PTPRD: variants seen among roughly 807,000 people sequenced by gnomAD.
PTPRD encodes the protein receptor-type tyrosine-protein phosphatase delta.
In PTPRD, 34 loss-of-function variants were observed where a neutral mutation model predicts 214.5. The ratio of observed to expected loss-of-function variants is 0.16; its 90% CI spans 0.12 to 0.21. The LOEUF (loss-of-function observed/expected upper bound fraction) is 0.21. PTPRD is among the 10% of genes least tolerant of loss of function. The probability of loss-of-function intolerance (pLI) is 1.00; values close to 1 mark genes in which losing one functional copy is unlikely to be tolerated. For synonymous variants in PTPRD, 1,128 were observed against 845.7 expected (o/e 1.33, Z -5.79); for missense variants, 2,545 against 2,398.7 (o/e 1.06, Z -1.27).
At chr9:8,826,988 A>G (rs2097189063) in intron 11 of PTPRD, among the ~76,000 whole-genome samples, 1 of 151,774 alleles carries the variant, frequency 6.6e-6, no homozygotes, top group Non-Finnish European at 1.5e-5. Flanking sequence ...AAACTGGCAG[A>G]TTTCTTCTCA....
At chr9:10,268,005 G>C (rs1241766844) in intron 3 of PTPRD, among the ~76,000 whole-genome samples, 1 of 151,878 alleles carries the variant, frequency 6.6e-6, no homozygotes, top group African/African-American at 2.4e-5. Flanking sequence ...TAACAGCCAG[G>C]TGTGGTAGCT....
chr9:10,162,640 C>CAT (rs1182233137), intron 3 of PTPRD, among the ~76,000 whole-genome samples: 3 of 146,662 alleles, frequency 2.0e-5, no homozygotes, highest in African/African-American at 5.0e-5. Flanking sequence ...TGTATATAAA[C>CAT]ATATATATAC....
intron 11 of PTPRD, among the ~76,000 whole-genome samples, chr9:8,945,492 C>G (rs145677720): frequency 6.6e-6 from 1 of 151,962 alleles, no homozygotes; most frequent in Non-Finnish European, 1.5e-5. Flanking sequence ...CTATCTACTG[C>G]AATTCATCTT....
chr9:8,431,357 G>C (rs2095040918), intron 35 of PTPRD, among the ~76,000 whole-genome samples: 1 of 152,098 alleles, frequency 6.6e-6, no homozygotes, highest in Non-Finnish European at 1.5e-5. Context: ...AAAGATGAAA[G>C]CTCCAGAGAA....
intron 3 of PTPRD, among the ~76,000 whole-genome samples, chr9:10,142,353 G>A (rs889356585): frequency 1.3e-4 from 20 of 151,058 alleles, no homozygotes; most frequent in African/African-American, 4.8e-4. Flanking sequence ...CAAAATGGGA[G>A]AAAATTTTCG....
chr9:9,498,215 T>C (rs535871766), intron 8 of PTPRD, among the ~76,000 whole-genome samples: 10 of 152,152 alleles, frequency 6.6e-5, no homozygotes, highest in Admixed American at 4.6e-4. Flanking sequence ...ATTATGCTCT[T>C]TGAGTGGCAT....
At chr9:8,530,057 T>C (rs927311853) in intron 14 of PTPRD, among the ~76,000 whole-genome samples, 1 of 151,996 alleles carries the variant, frequency 6.6e-6, no homozygotes, top group Non-Finnish European at 1.5e-5. Flanking sequence ...ATCTGGCATA[T>C]CGCTTCTCCT....
intron 2 of PTPRD, among the ~76,000 whole-genome samples, chr9:10,468,028 T>C (rs879780454): frequency 6.6e-6 from 1 of 152,012 alleles, no homozygotes; most frequent in East Asian, 1.9e-4. Flanking sequence ...TGTGGAGAAA[T>C]AGGAAAACTT....
chr9:10,046,129 C>A (rs938261618), intron 3 of PTPRD, among the ~76,000 whole-genome samples: 1 of 151,816 alleles, frequency 6.6e-6, no homozygotes, highest in Admixed American at 6.6e-5. Flanking sequence ...CTACTTTGCA[C>A]ACATTACTAA....
At chr9:8,443,002 G>A (rs751757843) in intron 34 of PTPRD, among the ~76,000 whole-genome samples, 5 of 152,128 alleles carry the variant, frequency 3.3e-5, no homozygotes, top group Non-Finnish European at 5.9e-5. Flanking sequence ...TAAATGAACC[G>A]GGCATTGTGG....
chr9:10,365,832 T>C (rs1390150232), intron 2 of PTPRD, among the ~76,000 whole-genome samples: 5 of 152,204 alleles, frequency 3.3e-5, no homozygotes, highest in Non-Finnish European at 7.4e-5. Flanking sequence ...CATTGCTATG[T>C]CAATAATTTC....
intron 3 of PTPRD, among the ~76,000 whole-genome samples, chr9:10,098,496 TAATAA>T (rs2098517479): frequency 6.6e-6 from 1 of 151,432 alleles, no homozygotes; most frequent in Non-Finnish European, 1.5e-5. Context: ...AGTATAATAA[TAATAA>T]AATAAAATAA....
At chr9:8,629,546 T>C (rs1239080712) in intron 14 of PTPRD, among the ~76,000 whole-genome samples, 2 of 151,852 alleles carry the variant, frequency 1.3e-5, no homozygotes, top group Non-Finnish European at 2.9e-5. Flanking sequence ...GAAAGCCTGA[T>C]AGTTAATTCA....
At chr9:8,388,960 T>C (rs2088333447) in intron 37 of PTPRD, among the ~76,000 whole-genome samples, 1 of 151,438 alleles carries the variant, frequency 6.6e-6, no homozygotes, top group African/African-American at 2.4e-5. Flanking sequence ...TCTAATCAAG[T>C]TGTCTATTCC....
intron 11 of PTPRD, among the ~76,000 whole-genome samples, chr9:8,929,785 G>A (rs372240264): frequency 0.11 from 8,517 of 75,220 alleles, 1,262 homozygotes; most frequent in Non-Finnish European, 0.14. Flanking sequence ...ATATGGGTGT[G>A]TATATATGTG....
chr9:10,468,292 C>T (rs2099007612), intron 2 of PTPRD, among the ~76,000 whole-genome samples: 2 of 150,732 alleles, frequency 1.3e-5, no homozygotes, highest in Admixed American at 6.6e-5. Flanking sequence ...CAATGTGGCA[C>T]ATCTACACCA....
chr9:9,689,299 T>C (rs1434239144), intron 7 of PTPRD, among the ~76,000 whole-genome samples: 1 of 151,876 alleles, frequency 6.6e-6, no homozygotes, highest in Non-Finnish European at 1.5e-5. Context: ...AGTTCTGTGT[T>C]ATGTTAATCA....
chr9:9,182,919 C>T (rs746170234), intron 10 of PTPRD, among the ~76,000 whole-genome samples: 2 of 152,036 alleles, frequency 1.3e-5, no homozygotes, highest in African/African-American at 2.4e-5. Flanking sequence ...GGCGAGACCA[C>T]CACCGAGGGC....
chr9:9,681,221 CATA>C (rs2097062481), intron 7 of PTPRD, among the ~76,000 whole-genome samples: 1 of 151,696 alleles, frequency 6.6e-6, no homozygotes, highest in Non-Finnish European at 1.5e-5. Flanking sequence ...TACACTGAAA[CATA>C]ATGTTCTTCC....
Sources: allele counts gnomAD v4.1 joint callset (sites outside exome capture counted in the v4.1 genomes callset), GRCh38; gene constraint gnomAD v4.1.1; transcripts MANE v1.5; gene names NCBI Gene and HGNC (gene_info 2026-07-23, HGNC 2026-07-21).